CACNB4: variants seen among roughly 807,000 people sequenced by gnomAD.
The protein encoded by CACNB4 is voltage-dependent L-type calcium channel subunit beta-4.
Under a neutral mutation model 71.2 loss-of-function variants are expected in CACNB4, and 32 were observed. The observed-to-expected ratio is 0.45, with a 90% confidence interval of 0.34 to 0.60. CACNB4 has a LOEUF of 0.60. Ranked by LOEUF, CACNB4 falls within the 20% of genes least tolerant of loss-of-function variation. The pLI is 0.01. For synonymous variants in CACNB4, 231 were observed against 236.9 expected (o/e 0.97, Z 0.23); for missense variants, 464 against 647.9 (o/e 0.72, Z 3.08).
At chr2:151,843,242 A>G (rs1382639735) in intron 12 of CACNB4, among the ~76,000 whole-genome samples, 2 of 152,242 alleles carry the variant, frequency 1.3e-5, no homozygotes, top group Non-Finnish European at 1.5e-5. Context: ...TTCAGAGGGA[A>G]ACCAGAAAAC....
chr2:151,942,977 G>A (rs2099864646), intron 2 of CACNB4, among the ~76,000 whole-genome samples: 1 of 152,168 alleles, frequency 6.6e-6, no homozygotes, highest in South Asian at 2.1e-4. Flanking sequence ...ACCCTTATCA[G>A]TAGTTCTGTT....
chr2:151,907,833 A>C (rs2099855179), intron 2 of CACNB4, among the ~76,000 whole-genome samples: 1 of 152,168 alleles, frequency 6.6e-6, no homozygotes, highest in Non-Finnish European at 1.5e-5. Context: ...TGGCTGTCAT[A>C]GCTGTTCCCT....
intron 2 of CACNB4, among the ~76,000 whole-genome samples, chr2:151,954,210 ACC>A (rs1560061437): frequency 1.3e-5 from 2 of 152,184 alleles, no homozygotes; most frequent in Admixed American, 6.5e-5. Flanking sequence ...CTCGTTCTAA[ACC>A]AGAGTGGCAT....
At chr2:151,927,974 A>G (rs1170704600) in intron 2 of CACNB4, among the ~76,000 whole-genome samples, 1 of 152,256 alleles carries the variant, frequency 6.6e-6, no homozygotes, top group African/African-American at 2.4e-5. Context: ...GAAAGGCCAC[A>G]GAATGGAGAG....
intron 2 of CACNB4, among the ~76,000 whole-genome samples, chr2:151,896,037 G>C (rs939036093): frequency 2.6e-5 from 4 of 152,016 alleles, no homozygotes; most frequent in African/African-American, 9.6e-5. Flanking sequence ...GTAGAGACGG[G>C]GTTTCACCAT....
chr2:151,919,979 G>A (rs757392144), intron 2 of CACNB4, among the ~76,000 whole-genome samples: 1 of 152,070 alleles, frequency 6.6e-6, no homozygotes, highest in Non-Finnish European at 1.5e-5. Flanking sequence ...AACCACAAAA[G>A]CCAACTATAA....
At chr2:152,052,393 C>T (rs553488553) in intron 2 of CACNB4, among the ~76,000 whole-genome samples, 13 of 152,192 alleles carry the variant, frequency 8.5e-5, no homozygotes, top group South Asian at 2.1e-4. Context: ...CTCCACCTCC[C>T]GGGTTCAAAG....
chr2:152,035,261 T>C (rs1364933790), intron 2 of CACNB4, among the ~76,000 whole-genome samples: 1 of 152,198 alleles, frequency 6.6e-6, no homozygotes, highest in Non-Finnish European at 1.5e-5. Flanking sequence ...CAAGGCAACT[T>C]TAAAAAATAT....
At chr2:152,082,716 GT>G (rs1687429410) in intron 2 of CACNB4, among the ~76,000 whole-genome samples, 1 of 152,150 alleles carries the variant, frequency 6.6e-6, no homozygotes. Context: ...CAATAGTTAT[GT>G]GGTGTCCCAG....
intron 2 of CACNB4, among the ~76,000 whole-genome samples, chr2:151,892,991 A>G (rs1399725007): frequency 6.6e-6 from 1 of 152,250 alleles, no homozygotes; most frequent in African/African-American, 2.4e-5. Flanking sequence ...TGTTTAGAAA[A>G]AAATGTTAAA....
intron 2 of CACNB4, among the ~76,000 whole-genome samples, chr2:151,896,423 C>T (rs1048825269): frequency 6.6e-6 from 1 of 152,352 alleles, no homozygotes; most frequent in Admixed American, 6.5e-5. Context: ...TAGGTAAGAG[C>T]TATGCCTACC....
At position 152,013,318 on chromosome 2, in the gene CACNB4, C is replaced by T. The variant is rs903735235; in HGVS notation, c.147+85012G>A. On this transcript the variant is annotated intron_variant, in intron 2 of 13. Transcript: ENST00000539935. ...ATATACACAGGCCATATGAGGATTACACAATTTCAAGACAGCAAATTATAA... is the reference window on the plus strand; with the variant it reads ...ATATACACAGGCCATATGAGGATTATACAATTTCAAGACAGCAAATTATAA... 5.5e-4 allele frequency among the ~76,000 whole-genome samples: 83 copies of T among 152,172 alleles called. 2 individuals are homozygous for T. Among genetic ancestry groups the T allele is most frequent in the Non-Finnish European group, 1.5e-5 (1 of 68,032 alleles).
intron 10 of CACNB4, chr2:151,859,271 T>G (rs1170819234): frequency 6.6e-6 from 1 of 152,154 alleles, no homozygotes; most frequent in Non-Finnish European, 1.5e-5. Flanking sequence ...TGACAGCAGG[T>G]GAATGGATTG....
chr2:152,047,979 TTC>T (rs1297071111), intron 2 of CACNB4, among the ~76,000 whole-genome samples: 1 of 152,212 alleles, frequency 6.6e-6, no homozygotes, highest in African/African-American at 2.4e-5. Context: ...CGCTGCTCAA[TTC>T]TCTGTTTGGC....
intron 7 of CACNB4, 70 bp from the exon 8 acceptor site, chr2:151,870,681 T>A: frequency 7.5e-7 from 1 of 1,335,606 alleles, no homozygotes; most frequent in Non-Finnish European, 1.1e-6. Context: ...ACAACATTCA[T>A]AATTTCATAA....
chr2:151,878,647 C>G (rs76614432), intron 4 of CACNB4, among the ~76,000 whole-genome samples: 15,246 of 94,024 alleles, frequency 0.16, 1,584 homozygotes, highest in East Asian at 0.62. Flanking sequence ...CATTAGCTAG[C>G]TATACAATTA....
In CACNB4 at chr2:152,098,474, G is replaced by T. The variant is rs770130612; in HGVS notation, c.64-61C>A. 2 of 1,480,856 alleles carry T rather than the reference G, an allele frequency of 1.4e-6. No homozygotes were observed. Among genetic ancestry groups the T allele is most frequent in the South Asian group, 1.1e-5 (1 of 88,436 alleles). The allele number at this position is 1,480,856 out of a possible 1,614,324, so 91.7% of individuals were successfully genotyped here. A position where few individuals can be genotyped will look rare whatever the true frequency, so the allele number is the denominator to read the frequency against. ...TGAGGACCGCAGCGCAGAGCGGGGC[G>T]ACCACCCCCGGCTGGAGTCCGCCTC... On this transcript the variant is annotated intron_variant, in intron 1 of 13. Transcript: ENST00000539935. The surrounding 1 kb of genome is among the most constrained non-coding windows in gnomAD (Gnocchi z 5.3).
intron 2 of CACNB4, among the ~76,000 whole-genome samples, chr2:151,982,782 A>G (rs2099874954): frequency 6.6e-6 from 1 of 152,230 alleles, no homozygotes; most frequent in South Asian, 2.1e-4. Context: ...TAGATGAAAG[A>G]GAAAGTCATT....
At chr2:151,962,492 T>C (rs1013218909) in intron 2 of CACNB4, among the ~76,000 whole-genome samples, 4 of 152,134 alleles carry the variant, frequency 2.6e-5, no homozygotes, top group Non-Finnish European at 4.4e-5. Context: ...TACTGAATCA[T>C]GCAAATGTTT....
Sources: allele counts gnomAD v4.1 joint callset (sites outside exome capture counted in the v4.1 genomes callset), GRCh38; gene constraint gnomAD v4.1.1; non-coding constraint Gnocchi (gnomAD v3.1); transcripts MANE v1.5; gene names NCBI Gene and HGNC (gene_info 2026-07-23, HGNC 2026-07-21).